The following ZSCAN5A variants were observed in gnomAD, a reference collection of about 807,000 sequenced individuals.
ZSCAN5A encodes zinc finger and SCAN domain containing 5A.
In ZSCAN5A, 12 loss-of-function variants were observed where a neutral mutation model predicts 23.7. The ratio of observed to expected loss-of-function variants is 0.51; its 90% CI spans 0.32 to 0.82. The LOEUF (loss-of-function observed/expected upper bound fraction) is 0.82, where lower values mean the gene tolerates loss of function less well. Among genes scored for constraint, ZSCAN5A ranks in the 40% least tolerant of loss-of-function variants. The probability of loss-of-function intolerance (pLI) is 0.03; values close to 1 mark genes in which losing one functional copy is unlikely to be tolerated. For missense variants in ZSCAN5A, 597 were observed against 617.9 expected (o/e 0.97, Z 0.36); for synonymous variants, 257 against 239.9 (o/e 1.07, Z -0.66).
intron 2 of ZSCAN5A, chr19:56,266,438 T>TC (rs1277056591): frequency 6.8e-6 from 1 of 147,666 alleles, no homozygotes; most frequent in Non-Finnish European, 1.5e-5. Context: ...TCTTCCTCTC[T>TC]CCCCAAAGAA....
chr19:56,221,911 T>C lies in ZSCAN5A; in HGVS notation c.1155A>G (p.Gln385=), dbSNP rs773300751. The C allele has an allele frequency of 5.1e-5, 83 of 1,614,074 alleles. No individual in the cohort carries two copies. The highest frequency in any genetic ancestry group is 3.6e-4 in the African/African-American group (27 of 74,926). Residue 385 remains glutamine (Q), a synonymous_variant, in exon 6 of 6, where the codon CAA becomes CAG. Transcript: ENST00000683990. ...TGAAGCGCTTCCCACAGAGATTACATTGAAAGAGTCTCTCGCCTGTGTGTG... is the reference window on the plus strand; with the variant it reads ...TGAAGCGCTTCCCACAGAGATTACACTGAAAGAGTCTCTCGCCTGTGTGTG... ...KRSHTGERLF[Q]CNLCGKRFMQ... is the part of the protein sequence containing the mutation.
chr19:56,291,616 T>A (rs1405176051), intron 2 of ZSCAN5A, among the ~76,000 whole-genome samples: 3 of 152,142 alleles, frequency 2.0e-5, no homozygotes, highest in Non-Finnish European at 2.9e-5. Flanking sequence ...TGGCATCTCA[T>A]CTCAACAGCA....
At chr19:56,328,462 G>C (rs1164391398) in intron 2 of ZSCAN5A, among the ~76,000 whole-genome samples, 1 of 149,234 alleles carries the variant, frequency 6.7e-6, no homozygotes, top group Non-Finnish European at 1.5e-5. Flanking sequence ...TGACCAACAT[G>C]GTGAAACCCC....
chr19:56,313,462 T>C (rs1438458143), intron 1 of ZSCAN5A, 78 bp from the exon 2 acceptor site: 2 of 155,950 alleles, frequency 1.3e-5, no homozygotes, highest in Non-Finnish European at 2.9e-5. Context: ...GCCCCCATGA[T>C]TCAATTACCT....
chr19:56,337,180 G>T (rs1456263880), intron 2 of ZSCAN5A, among the ~76,000 whole-genome samples: 1 of 152,362 alleles, frequency 6.6e-6, no homozygotes, highest in Middle Eastern at 3.4e-3. Context: ...TGCCCCCACA[G>T]GTGGAGCCTA....
chr19:56,240,155 C>CT (rs1431797320), intron 2 of ZSCAN5A, among the ~76,000 whole-genome samples: 6 of 150,456 alleles, frequency 4.0e-5, no homozygotes, highest in Admixed American at 6.7e-5. Flanking sequence ...GTGTGAGACT[C>CT]TGTCTCAAAA....
At chr19:56,271,413 A>ACCAT (rs2037837301) in intron 2 of ZSCAN5A, among the ~76,000 whole-genome samples, 1 of 152,206 alleles carries the variant, frequency 6.6e-6, no homozygotes, top group Non-Finnish European at 1.5e-5. Context: ...TCCGCATAGC[A>ACCAT]CCGGATGTGA....
At chr19:56,354,210 G>A (rs570263946) in intron 2 of ZSCAN5A, among the ~76,000 whole-genome samples, 4 of 152,320 alleles carry the variant, frequency 2.6e-5, no homozygotes, top group Admixed American at 2.6e-4. Context: ...TCTGGAGATG[G>A]ATGGTGGTGA....
In ZSCAN5A at chr19:56,233,349, C is replaced by G. The variant is rs562897996; in HGVS notation, c.-127-8176G>C. ...TCATTGTCTATAAAAACGGTGTCCA[C>G]GTTTTGTCTTTGAAATGGTCCCCGC... On this transcript the variant is annotated intron_variant, in intron 2 of 5. Transcript: ENST00000683990. 3.3e-5 allele frequency among the ~76,000 whole-genome samples: 5 copies of G among 152,106 alleles called. No homozygotes were observed. In the South Asian group the frequency reaches 8.3e-4, roughly 25 times the overall value.
intron 2 of ZSCAN5A, among the ~76,000 whole-genome samples, chr19:56,227,407 C>T (rs111245360): frequency 6.6e-6 from 1 of 152,296 alleles, no homozygotes; most frequent in East Asian, 1.9e-4. Flanking sequence ...CCAGAGGGCG[C>T]CTGCTGCTGC....
At chr19:56,334,525 G>T (rs189786997) in intron 2 of ZSCAN5A, among the ~76,000 whole-genome samples, 3 of 152,096 alleles carry the variant, frequency 2.0e-5, no homozygotes, top group Non-Finnish European at 4.4e-5. Flanking sequence ...GAAATATTTT[G>T]ATATAAGCAT....
chr19:56,344,548 G>A (rs568565493), intron 2 of ZSCAN5A, among the ~76,000 whole-genome samples: 9 of 152,162 alleles, frequency 5.9e-5, no homozygotes, highest in South Asian at 4.1e-4. Flanking sequence ...CAAGGTGGGC[G>A]GATCACCAGG....
At chr19:56,237,691 G>A (rs375418590) in intron 2 of ZSCAN5A, among the ~76,000 whole-genome samples, 1 of 151,964 alleles carries the variant, frequency 6.6e-6, no homozygotes, top group Non-Finnish European at 1.5e-5. Context: ...AAGCTGAGAC[G>A]GGCGGATCGC....
At chr19:56,353,370 C>T (rs1259193881) in intron 2 of ZSCAN5A, among the ~76,000 whole-genome samples, 1 of 152,144 alleles carries the variant, frequency 6.6e-6, no homozygotes, top group Non-Finnish European at 1.5e-5. Flanking sequence ...TGCATTAAGA[C>T]TATTTGGTGC....
At chr19:56,329,816 A>G (rs1232186197) in intron 2 of ZSCAN5A, among the ~76,000 whole-genome samples, 1 of 152,136 alleles carries the variant, frequency 6.6e-6, no homozygotes. Context: ...GAATGTTTTT[A>G]TTTTTAAAAA....
At chr19:56,302,007 T>C (rs979812474) in intron 2 of ZSCAN5A, 12 of 1,231,846 alleles carry the variant, frequency 9.7e-6, no homozygotes, top group Non-Finnish European at 1.1e-5. Context: ...AGGAAACCAC[T>C]CCCCAAGAGG....
rs2041668572 is a variant in ZSCAN5A, at chr19:56,351,725, A to G, written c.-358+11510T>C. ...CAGTCATCGGAGCTGTATCAAAATG[A>G]ACTTGGGCTGCTCTGTCCCAATGTC... On this transcript the variant is annotated intron_variant, in intron 2 of 6. Coordinates refer to the ZSCAN5A transcript ENST00000587340. This position sits in a 1 kb window ranked among gnomAD's most constrained non-coding sequence, Gnocchi z 4.8. Among the ~76,000 whole-genome samples the G allele has an allele frequency of 6.6e-6, 1 of 152,178 alleles. No individual in the cohort carries two copies. The highest frequency in any genetic ancestry group is 1.5e-5 in the Non-Finnish European group (1 of 68,036).
intron 2 of ZSCAN5A, among the ~76,000 whole-genome samples, chr19:56,311,368 C>A (rs1226686962): frequency 6.6e-6 from 1 of 152,066 alleles, no homozygotes; most frequent in Admixed American, 6.6e-5. Context: ...TCATATTTTC[C>A]TCATTTATGT....
At chr19:56,342,220 T>A (rs1019252215) in intron 2 of ZSCAN5A, among the ~76,000 whole-genome samples, 27 of 152,088 alleles carry the variant, frequency 1.8e-4, no homozygotes, top group African/African-American at 6.5e-4. Context: ...TATCACTTTT[T>A]CTTAAACAAC....
Sources: gnomAD v4.1 joint callset for allele counts (sites outside exome capture counted in the v4.1 genomes callset) on GRCh38, gnomAD v4.1.1 for gene constraint, Gnocchi (gnomAD v3.1) non-coding constraint, MANE v1.5 for transcripts, NCBI Gene and HGNC (gene_info 2026-07-23, HGNC 2026-07-21) for gene names.